The following DOCK10 variants were observed in gnomAD, a reference collection of about 807,000 sequenced individuals.
DOCK10 encodes the protein dedicator of cytokinesis protein 10.
DOCK10 carries 145 observed loss-of-function variants against 280.1 expected under a neutral mutation model. That is an observed-to-expected ratio of 0.52 (90% CI 0.45 to 0.59). DOCK10 has a LOEUF of 0.59. DOCK10 is among the 20% of genes least tolerant of loss of function. The pLI is 0.00. For missense variants in DOCK10, 2,368 were observed against 2,651.7 expected, an observed-to-expected ratio of 0.89 and a Z score of 2.35; for synonymous variants, 915 against 942.2, an observed-to-expected ratio of 0.97 and a Z score of 0.53.
chr2:224,941,403 T>A (rs1703062198), intron 1 of DOCK10, among the ~76,000 whole-genome samples: 1 of 152,158 alleles, frequency 6.6e-6, no homozygotes, highest in Admixed American at 6.5e-5. Context: ...TTGGGAGGAT[T>A]CTGGAATAGA....
In DOCK10 at chr2:225,042,343, C is replaced by T. The variant is rs1375547364; in HGVS notation, c.32G>A (p.Arg11Gln). The change falls in exon 1 of 56, where the codon CGG becomes CAG. Residue 11 changes from arginine to glutamine, a missense_variant. Coordinates refer to ENST00000258390, the MANE Select transcript of DOCK10 (RefSeq NM_014689.3). The surrounding 1 kb of genome is among the most constrained non-coding windows in gnomAD (Gnocchi z 5.1). MAGERTRRFT[R>Q]SLLRPGQAAE... ...CGCCTGCCCAGGTCTCAACAGGCTC[C>T]GGGTGAACCTGCGGGTCCGCTCACC... The T allele has an allele frequency of 1.2e-5, 15 of 1,286,746 alleles. No homozygotes were observed. Among genetic ancestry groups the T allele is most frequent in the African/African-American group, 1.6e-5 (1 of 63,958 alleles). 79.7% of individuals were successfully genotyped at this position (1,286,746 alleles called of 1,614,324 possible).
At chr2:225,008,800 C>T (rs1387475887) in intron 1 of DOCK10, among the ~76,000 whole-genome samples, 1 of 152,210 alleles carries the variant, frequency 6.6e-6, no homozygotes, top group Non-Finnish European at 1.5e-5. Context: ...AGTACTCTAT[C>T]CAATGCTCCA....
At chr2:224,775,178 C>T in intron 51 of DOCK10, 63 bp from the exon 52 acceptor site, 1 of 1,450,860 alleles carries the variant, frequency 6.9e-7, no homozygotes, top group Admixed American at 1.8e-5. Flanking sequence ...AAGCGGGAAG[C>T]TCCCATTCCC....
chr2:224,793,762 A>C lies in DOCK10; in HGVS notation c.5155-305T>G, dbSNP rs778864646. On this transcript the variant is annotated intron_variant, in intron 45 of 55. Transcript: ENST00000258390. ...TCTAAGCCTAGATTAAAAATAAATC[A>C]TAAGTCTCCTTTTAAAATTAAAACT... 2.0e-5 allele frequency among the ~76,000 whole-genome samples: 3 copies of C among 152,368 alleles called. No homozygotes were observed. The East Asian group carries it at 5.8e-4, about 29-fold the overall frequency.
At chr2:224,900,283 A>G (rs1430293565) in intron 3 of DOCK10, among the ~76,000 whole-genome samples, 1 of 152,128 alleles carries the variant, frequency 6.6e-6, no homozygotes. Flanking sequence ...CTAGTAAAAA[A>G]AAAAACACAA....
Position 224,765,673 on chromosome 2 carries a change from G to T in DOCK10, c.*48C>A. The stretch of plus-strand genomic sequence containing the variant: ...ATCTTTCTCTTCCCCGAGATTAGCT[G>T]CAAATTCAGAAAGTTCTCTTAGAGG... On this transcript the variant is annotated 3_prime_UTR_variant, in exon 56 of 56. Transcript: ENST00000258390. 7.6e-7 allele frequency: 1 copy of T among 1,307,884 alleles called. No individual in the cohort carries two copies. Among genetic ancestry groups the T allele is most frequent in the Non-Finnish European group, 1.1e-6 (1 of 919,682 alleles). 81.0% of individuals were successfully genotyped at this position (1,307,884 alleles called of 1,614,324 possible). A position where few individuals can be genotyped will look rare whatever the true frequency, so the allele number is the denominator to read the frequency against.
chr2:224,777,374 A>T (rs1220858168), intron 51 of DOCK10, among the ~76,000 whole-genome samples: 1 of 152,208 alleles, frequency 6.6e-6, no homozygotes, highest in African/African-American at 2.4e-5. Flanking sequence ...ACCTGCCCTC[A>T]ATCTGGGTTG....
intron 55 of DOCK10, among the ~76,000 whole-genome samples, chr2:224,769,267 GGAA>G (rs897399312): frequency 4.6e-5 from 7 of 152,292 alleles, no homozygotes; most frequent in African/African-American, 1.7e-4. Flanking sequence ...AAATCAGGAT[GGAA>G]GAAGATGGAA....
chr2:224,881,733 C>T (rs1698988678), intron 7 of DOCK10, among the ~76,000 whole-genome samples: 1 of 152,062 alleles, frequency 6.6e-6, no homozygotes, highest in African/African-American at 2.4e-5. Context: ...AATTTTGGTT[C>T]TTATTGTTCT....
At chr2:224,889,503 G>C (rs1699532344) in intron 4 of DOCK10, among the ~76,000 whole-genome samples, 1 of 152,194 alleles carries the variant, frequency 6.6e-6, no homozygotes, top group Non-Finnish European at 1.5e-5. Flanking sequence ...CCTGCATTTA[G>C]GAAAGGTGAA....
chr2:224,886,888 A>ACCCC (rs200245451), intron 4 of DOCK10, among the ~76,000 whole-genome samples: 43 of 142,542 alleles, frequency 3.0e-4, no homozygotes, highest in African/African-American at 8.3e-4. Flanking sequence ...CACCCCCAAC[A>ACCCC]CCCCCCCAAG....
chr2:224,931,478 T>C, intron 2 of DOCK10, 71 bp downstream of exon 2: 1 of 1,505,338 alleles, frequency 6.6e-7, no homozygotes, highest in Non-Finnish European at 8.9e-7. Context: ...TCTCTGAATC[T>C]ACAGGGAAAG....
At chr2:225,018,018 T>A (rs1217099950) in intron 1 of DOCK10, among the ~76,000 whole-genome samples, 1 of 152,158 alleles carries the variant, frequency 6.6e-6, no homozygotes, top group Non-Finnish European at 1.5e-5. Flanking sequence ...TTCACAGTAA[T>A]GGCAGAACGG....
chr2:224,846,970 G>A (rs1346309103), intron 19 of DOCK10, among the ~76,000 whole-genome samples: 3 of 152,216 alleles, frequency 2.0e-5, no homozygotes, highest in Non-Finnish European at 2.9e-5. Context: ...ATATGGTATA[G>A]TAAATGATGC....
intron 7 of DOCK10, among the ~76,000 whole-genome samples, chr2:224,885,196 C>T (rs1340893234): frequency 6.6e-6 from 1 of 152,156 alleles, no homozygotes; most frequent in African/African-American, 2.4e-5. Flanking sequence ...GATGGGGTTT[C>T]ACCATGTTGG....
At position 224,770,300 on chromosome 2, in the gene DOCK10, T is replaced by G; in HGVS notation, c.6355A>C (p.Ile2119Leu). The G allele has an allele frequency of 6.2e-7, 1 of 1,607,986 alleles. No homozygotes were observed. The highest frequency in any genetic ancestry group is 8.5e-7 in the Non-Finnish European group (1 of 1,177,190). The change falls in exon 55 of 56, where the codon ATC (isoleucine) becomes CTC (leucine). Residue 2119 changes from isoleucine (I) to leucine (L), a missense_variant. Physicochemically the swap from Ile to Leu is conservative, Grantham distance 5. Coordinates refer to ENST00000258390, the MANE Select transcript of DOCK10 (RefSeq NM_014689.3). This position sits in a 1 kb window ranked among gnomAD's most constrained non-coding sequence, Gnocchi z 4.5. ...GQALDVNERL[I>L]KEDQLEYQEE... ...TGGTACTCCAGCTGGTCCTCTTTGA[T>G]GAGGCGCTCATTCACGTCAAGGGCC...
intron 1 of DOCK10, among the ~76,000 whole-genome samples, chr2:225,011,330 A>G (rs577249061): frequency 6.6e-6 from 1 of 152,374 alleles, no homozygotes; most frequent in South Asian, 2.1e-4. Flanking sequence ...TAAACCTGCT[A>G]GAAGTATTCA....
chr2:224,881,681 G>A (rs1698985093), intron 7 of DOCK10, among the ~76,000 whole-genome samples: 1 of 152,054 alleles, frequency 6.6e-6, no homozygotes, highest in African/African-American at 2.4e-5. Context: ...GTTCCATCAA[G>A]TGCTGTCAAA....
At chr2:224,801,432 T>C (rs970847631) in intron 40 of DOCK10, among the ~76,000 whole-genome samples, 1 of 152,138 alleles carries the variant, frequency 6.6e-6, no homozygotes, top group African/African-American at 2.4e-5. Context: ...CTGGTGTGAC[T>C]TTCCAGGCCC....
Sources: allele counts gnomAD v4.1 joint callset (sites outside exome capture counted in the v4.1 genomes callset), GRCh38; gene constraint gnomAD v4.1.1; non-coding constraint Gnocchi (gnomAD v3.1); transcripts MANE v1.5; gene names NCBI Gene and HGNC (gene_info 2026-07-23, HGNC 2026-07-21).